TBC1D9: variants seen among roughly 807,000 people sequenced by gnomAD.
The protein encoded by TBC1D9 is TBC1 domain family member 9, also known as TBC1 domain family member 9A.
In TBC1D9, 63 loss-of-function variants were observed where a neutral mutation model predicts 132.0. The observed-to-expected ratio is 0.48, with a 90% CI of 0.39 to 0.59. The LOEUF (loss-of-function observed/expected upper bound fraction) is 0.59. Among genes scored for constraint, TBC1D9 ranks in the 20% least tolerant of loss-of-function variants. TBC1D9 has a pLI of 0.00. For missense variants in TBC1D9, 1,261 were observed against 1,592.7 expected, an observed-to-expected ratio of 0.79 and a Z score of 3.54; for synonymous variants, 610 against 609.9, an observed-to-expected ratio of 1.00 and a Z score of 0.00.
intron 2 of TBC1D9, among the ~76,000 whole-genome samples, chr4:140,692,120 GAAT>G (rs1485240361): frequency 1.3e-5 from 2 of 152,144 alleles, no homozygotes; most frequent in Non-Finnish European, 2.9e-5. Flanking sequence ...CTAAAATGGT[GAAT>G]TCTCATTGAT....
At chr4:140,739,863 A>G (rs559465759) in intron 1 of TBC1D9, among the ~76,000 whole-genome samples, 19 of 152,312 alleles carry the variant, frequency 1.2e-4, no homozygotes, top group African/African-American at 4.6e-4. Context: ...TTTTAAACAG[A>G]AGCATTAAAA....
chr4:140,679,692 C>T lies in TBC1D9; in HGVS notation c.512G>A (p.Gly171Glu), dbSNP rs868097430. 6.2e-7 allele frequency: 1 copy of T among 1,613,840 alleles called. No individual in the cohort carries two copies. Among genetic ancestry groups the T allele is most frequent in the Non-Finnish European group, 8.5e-7 (1 of 1,179,826 alleles). ...CATCCAACCCTGACGGGGGACCTTC[C>T]CCTTCCAATAGCTGCAAGAGTAATA... ...VNYYSCSYWKGKVPRQGWMYL... is the reference protein window; with the variant it reads ...VNYYSCSYWKEKVPRQGWMYL... Residue 171 changes from glycine to glutamate, a missense_variant, in exon 4 of 21, where the codon GGG (glycine) becomes GAG (glutamate). By Grantham distance (98) the Gly-to-Glu change is moderately conservative. Coordinates refer to ENST00000442267, the MANE Select transcript of TBC1D9 (RefSeq NM_015130.3).
chr4:140,624,253 A>G (rs760722433), intron 19 of TBC1D9, 34 bp from the exon 20 acceptor site: 2 of 1,610,376 alleles, frequency 1.2e-6, no homozygotes, highest in African/African-American at 1.3e-5. Flanking sequence ...AAGTGCTTAC[A>G]GGCCAAAAAA....
At chr4:140,669,151 C>T in intron 8 of TBC1D9, 84 bp from the exon 9 acceptor site, 5 of 1,342,582 alleles carry the variant, frequency 3.7e-6, no homozygotes, top group South Asian at 2.8e-5. Context: ...GAACATGTTC[C>T]CTGCTGAACG....
intron 15 of TBC1D9, among the ~76,000 whole-genome samples, chr4:140,638,589 C>A (rs1463472410): frequency 6.6e-6 from 1 of 151,378 alleles, no homozygotes; most frequent in African/African-American, 2.4e-5. Flanking sequence ...TGTACCTGGG[C>A]AACAGAGTGA....
rs1446149939 is a variant in TBC1D9, at chr4:140,709,244, T to TCACACA, written c.131-7631_131-7630insTGTGTG. On this transcript the variant is annotated intron_variant, in intron 1 of 20. Transcript: ENST00000442267. ...ATCTCTCTCTCTCTCTCTCTCTCTC[T>TCACACA]CTCTCACACACACACACACACACAC... Among the ~76,000 whole-genome samples, 703 of 107,158 alleles carry TCACACA rather than the reference T, an allele frequency of 6.6e-3. 1 individual carries two copies. Among genetic ancestry groups the TCACACA allele is most frequent in the African/African-American group, 0.026 (614 of 23,572 alleles). The allele number at this position is 107,158 out of a possible 152,430, so 70.3% of individuals were successfully genotyped here.
At chr4:140,688,103 A>G (rs951501060) in intron 2 of TBC1D9, among the ~76,000 whole-genome samples, 9 of 152,108 alleles carry the variant, frequency 5.9e-5, no homozygotes, top group African/African-American at 1.7e-4. Flanking sequence ...AAGAAAGAAA[A>G]AAAAAAGCAG....
At position 140,623,455 on chromosome 4, in the gene TBC1D9, A is replaced by G. The variant is rs6844884; in HGVS notation, c.3079-538T>C. Among the ~76,000 whole-genome samples the G allele has an allele frequency of 8.3e-3, 1,260 of 152,316 alleles. 16 individuals are homozygous for G. The highest frequency in any genetic ancestry group is 0.029 in the African/African-American group (1,205 of 41,562). On this transcript the variant is annotated intron_variant, in intron 20 of 20. Transcript: ENST00000442267. ...AAACATCCATGTACAGCTCACCTCG[A>G]GTCAAGAAGGACTATGTCATACATT...
Position 140,670,823 on chromosome 4 carries a change from C to T in TBC1D9, c.1163G>A (p.Arg388Lys). The T allele has an allele frequency of 6.2e-7, 1 of 1,613,852 alleles. No individual in the cohort carries two copies. Among genetic ancestry groups the T allele is most frequent in the Non-Finnish European group, 8.5e-7 (1 of 1,179,752 alleles). Reference sequence around the variant, plus strand: ...TGAGATCCTCTGCACTAGAAAGTCTCTATCTTTCAAGTTGGCAAATAGGAA... The same window carrying T: ...TGAGATCCTCTGCACTAGAAAGTCTTTATCTTTCAAGTTGGCAAATAGGAA... ...MTFLFANLKD[R>K]DFLVQRISDF... Residue 388 changes from arginine (R) to lysine (K), a missense_variant, in exon 7 of 21, where the codon AGA (arginine) becomes AAA (lysine). Coordinates refer to ENST00000442267, the MANE Select transcript of TBC1D9 (RefSeq NM_015130.3).
At chr4:140,658,613 C>T (rs1394331278) in intron 11 of TBC1D9, among the ~76,000 whole-genome samples, 1 of 151,988 alleles carries the variant, frequency 6.6e-6, no homozygotes, top group Non-Finnish European at 1.5e-5. Context: ...AGTTTGAGAC[C>T]AGCCTGGCTA....
chr4:140,708,111 C>A (rs969906889), intron 1 of TBC1D9, among the ~76,000 whole-genome samples: 2 of 152,086 alleles, frequency 1.3e-5, no homozygotes, highest in Admixed American at 6.5e-5. Context: ...ATGTGGACCA[C>A]AAAATTCTCA....
intron 13 of TBC1D9, among the ~76,000 whole-genome samples, chr4:140,653,956 T>C (rs1233599749): frequency 1.3e-5 from 2 of 152,224 alleles, no homozygotes; most frequent in Admixed American, 6.5e-5. Flanking sequence ...GCTTTCGCTT[T>C]AAAAATGGGC....
chr4:140,653,139 A>G (rs1440923860), intron 13 of TBC1D9, among the ~76,000 whole-genome samples: 1 of 152,190 alleles, frequency 6.6e-6, no homozygotes, highest in Admixed American at 6.5e-5. Flanking sequence ...TCCTTTCAAC[A>G]GAGGCTTAGG....
chr4:140,709,904 C>A (rs767034215), intron 1 of TBC1D9, among the ~76,000 whole-genome samples: 23 of 152,286 alleles, frequency 1.5e-4, no homozygotes, highest in Non-Finnish European at 2.9e-4. Flanking sequence ...CTCAAATGCT[C>A]CCTCACCTGC....
intron 1 of TBC1D9, among the ~76,000 whole-genome samples, chr4:140,740,979 C>T (rs1013076062): frequency 6.6e-6 from 1 of 152,146 alleles, no homozygotes; most frequent in African/African-American, 2.4e-5. Flanking sequence ...ACTGAATGGA[C>T]CTCTCCTCTC....
chr4:140,741,359 C>T (rs2111078192), intron 1 of TBC1D9, among the ~76,000 whole-genome samples: 1 of 152,258 alleles, frequency 6.6e-6, no homozygotes, highest in Middle Eastern at 3.4e-3. Context: ...TTTCCCTTTC[C>T]AAATCTCCTC....
In TBC1D9 at chr4:140,657,091, A is replaced by G. The variant is rs780451142; in HGVS notation, c.2337+6T>C. The G allele has an allele frequency of 6.2e-7, 1 of 1,613,138 alleles. No individual in the cohort carries two copies. The highest frequency in any genetic ancestry group is 8.5e-7 in the Non-Finnish European group (1 of 1,179,628). ...AAGCCCTGCTCAGCCAGGAGACAAGACCTACCTCGTAGGAAGTTCTGATGA... is the reference window on the plus strand; with the variant it reads ...AAGCCCTGCTCAGCCAGGAGACAAGGCCTACCTCGTAGGAAGTTCTGATGA... On this transcript the variant is annotated splice_donor_region_variant and intron_variant, in intron 13 of 20. Transcript: ENST00000442267.
intron 3 of TBC1D9, among the ~76,000 whole-genome samples, chr4:140,685,448 T>C (rs1465226157): frequency 6.6e-6 from 1 of 151,990 alleles, no homozygotes; most frequent in Non-Finnish European, 1.5e-5. Flanking sequence ...CAAAATGAAA[T>C]CATTCTAGTA....
At chr4:140,741,523 A>G (rs1171746525) in intron 1 of TBC1D9, among the ~76,000 whole-genome samples, 1 of 152,108 alleles carries the variant, frequency 6.6e-6, no homozygotes, top group Non-Finnish European at 1.5e-5. Context: ...TCAAGACCAG[A>G]CTGGGCAATG....
Sources: allele counts gnomAD v4.1 joint callset (sites outside exome capture counted in the v4.1 genomes callset), GRCh38; gene constraint gnomAD v4.1.1; transcripts MANE v1.5; gene names NCBI Gene and HGNC (gene_info 2026-07-23, HGNC 2026-07-21).